Variants in NRXN1 observed in about 807,000 individuals in gnomAD.
NRXN1 encodes neurexin-1.
NRXN1 carries 39 observed loss-of-function variants against 150.9 expected under a neutral mutation model. The observed-to-expected ratio is 0.26, with a 90% CI of 0.20 to 0.34. The LOEUF (loss-of-function observed/expected upper bound fraction) is 0.34, where lower values mean the gene tolerates loss of function less well. NRXN1 is among the 10% of genes least tolerant of loss of function. The probability of loss-of-function intolerance (pLI) is 1.00; values close to 1 mark genes in which losing one functional copy is unlikely to be tolerated. For synonymous variants in NRXN1, 924 were observed against 757.0 expected (o/e 1.22, Z -3.62); for missense variants, 1,815 against 1,949.9 (o/e 0.93, Z 1.30).
At chr2:50,493,150 A>G (rs2091356484) in intron 15 of NRXN1, among the ~76,000 whole-genome samples, 1 of 152,214 alleles carries the variant, frequency 6.6e-6, no homozygotes. Context: ...CTATTGACCA[A>G]AACAGGTCAA....
chr2:50,907,689 G>C (rs979925263), intron 5 of NRXN1, among the ~76,000 whole-genome samples: 3 of 151,954 alleles, frequency 2.0e-5, no homozygotes, highest in Non-Finnish European at 4.4e-5. Context: ...TACTGGCTTT[G>C]AAGATGAAAG....
intron 5 of NRXN1, among the ~76,000 whole-genome samples, chr2:50,717,957 T>A (rs1283839225): frequency 1.3e-5 from 2 of 152,168 alleles, no homozygotes; most frequent in Admixed American, 1.3e-4. Flanking sequence ...GGTTAGGATT[T>A]CCACAAATGA....
Position 49,925,783 on chromosome 2 carries a change from G to A in NRXN1, c.4217-3532C>T, listed in dbSNP as rs189266955. 1.1e-3 allele frequency among the ~76,000 whole-genome samples: 161 copies of A among 152,076 alleles called. 4 individuals carry two copies. In the East Asian group the frequency reaches 0.028, roughly 26 times the overall value. On this transcript the variant is annotated intron_variant, in intron 22 of 22. Coordinates refer to ENST00000401669, the MANE Select transcript of NRXN1 (RefSeq NM_001330078.2). ...TCCTTTTCTTTCTTTGTCCCAGCAC[G>A]TGACAAAGAAACAAGTGAAAGAGAA...
At chr2:50,940,455 CAG>C (rs1183790726) in intron 2 of NRXN1, among the ~76,000 whole-genome samples, 1 of 136,220 alleles carries the variant, frequency 7.3e-6, no homozygotes, top group Admixed American at 7.9e-5. Context: ...AACCTGGTGA[CAG>C]AGCAAGACTC....
chr2:50,628,668 G>A (rs1197610134), intron 5 of NRXN1, among the ~76,000 whole-genome samples: 1 of 151,496 alleles, frequency 6.6e-6, no homozygotes, highest in African/African-American at 2.4e-5. Context: ...ATAAGTCTAC[G>A]TCCATTTTTA....
At position 50,346,034 on chromosome 2, in the gene NRXN1, A is replaced by G. The variant is rs555304707; in HGVS notation, c.3365-109064T>C. 6.6e-6 allele frequency among the ~76,000 whole-genome samples: 1 copy of G among 152,354 alleles called. No individual in the cohort carries two copies. The highest frequency in any genetic ancestry group is 1.9e-4 in the East Asian group (1 of 5,160). ...AGTGGATGGAAGGGGAATGGTGTCC[A>G]GAGGTCCCCTCCATGCCTGCGAAGG... On this transcript the variant is annotated intron_variant, in intron 17 of 22. Coordinates refer to ENST00000401669, the MANE Select transcript of NRXN1 (RefSeq NM_001330078.2). The surrounding 1 kb of genome is among the most constrained non-coding windows in gnomAD (Gnocchi z 5.0).
intron 18 of NRXN1, among the ~76,000 whole-genome samples, chr2:50,199,569 T>G (rs73930305): frequency 2.1e-5 from 3 of 143,994 alleles, no homozygotes; most frequent in African/African-American, 5.3e-5. Flanking sequence ...CACACACACA[T>G]GCACACTGAC....
chr2:50,759,833 TG>T (rs1701590929), intron 5 of NRXN1, among the ~76,000 whole-genome samples: 1 of 68,262 alleles, frequency 1.5e-5, no homozygotes, highest in Non-Finnish European at 2.7e-5. Flanking sequence ...AAGCTGTGTG[TG>T]TGTGTGTGTG....
At chr2:50,593,302 C>CA (rs1235948974) in intron 8 of NRXN1, among the ~76,000 whole-genome samples, 6 of 152,324 alleles carry the variant, frequency 3.9e-5, no homozygotes, top group Admixed American at 1.3e-4. Context: ...AGTACTTCTG[C>CA]ATTGACAAAT....
At chr2:50,176,153 A>G (rs1198083552) in intron 18 of NRXN1, among the ~76,000 whole-genome samples, 1 of 152,094 alleles carries the variant, frequency 6.6e-6, no homozygotes, top group Non-Finnish European at 1.5e-5. Flanking sequence ...CTTCCACCAT[A>G]CAAGTTAAGA....
At chr2:49,977,750 G>C (rs1489275036) in intron 21 of NRXN1, among the ~76,000 whole-genome samples, 1 of 152,168 alleles carries the variant, frequency 6.6e-6, no homozygotes, top group Non-Finnish European at 1.5e-5. Context: ...GCTGTGATAG[G>C]TCAAGTTATC....
chr2:50,597,122 G>A (rs985450854), intron 8 of NRXN1, among the ~76,000 whole-genome samples: 1 of 152,090 alleles, frequency 6.6e-6, no homozygotes, highest in Non-Finnish European at 1.5e-5. Flanking sequence ...TAGGATTTCA[G>A]GAACGAGTCA....
intron 2 of NRXN1, among the ~76,000 whole-genome samples, chr2:51,024,869 T>A (rs2105307344): frequency 6.6e-6 from 1 of 152,292 alleles, no homozygotes; most frequent in Non-Finnish European, 1.5e-5. Context: ...ACTTATTTAT[T>A]TTAAAATTAG....
At chr2:50,755,556 C>T (rs1448718188) in intron 5 of NRXN1, among the ~76,000 whole-genome samples, 2 of 151,696 alleles carry the variant, frequency 1.3e-5, no homozygotes, top group African/African-American at 4.8e-5. Context: ...TTATTACCTG[C>T]TGTAATTAAG....
chr2:50,934,015 T>C (rs1037771886), intron 2 of NRXN1, among the ~76,000 whole-genome samples: 1 of 152,180 alleles, frequency 6.6e-6, no homozygotes, highest in Non-Finnish European at 1.5e-5. Flanking sequence ...GAAAATTTAA[T>C]TTTAAAAATA....
chr2:50,550,812 G>A (rs1404067288), intron 9 of NRXN1, among the ~76,000 whole-genome samples: 1 of 151,672 alleles, frequency 6.6e-6, no homozygotes, highest in African/African-American at 2.4e-5. Context: ...CTCCCGAGTG[G>A]CTGGGACTAC....
At chr2:50,496,837 T>C (rs150418124) in intron 14 of NRXN1, among the ~76,000 whole-genome samples, 1,669 of 152,282 alleles carry the variant, frequency 0.011, 31 homozygotes, top group African/African-American at 0.037. Context: ...TTAAAATACA[T>C]TAAATTTTCC....
chr2:50,183,299 T>G (rs2060855285), intron 18 of NRXN1, among the ~76,000 whole-genome samples: 1 of 152,070 alleles, frequency 6.6e-6, no homozygotes, highest in South Asian at 2.1e-4. Context: ...TTCAAAGGTT[T>G]ATTATACCAC....
chr2:50,147,949 T>C (rs1309640587), intron 18 of NRXN1, among the ~76,000 whole-genome samples: 1 of 151,646 alleles, frequency 6.6e-6, no homozygotes, highest in Non-Finnish European at 1.5e-5. Flanking sequence ...AGATGTGAAA[T>C]AGGTCCTGGG....
Sources: allele counts gnomAD v4.1 joint callset (sites outside exome capture counted in the v4.1 genomes callset), GRCh38; gene constraint gnomAD v4.1.1; non-coding constraint Gnocchi (gnomAD v3.1); transcripts MANE v1.5; gene names NCBI Gene and HGNC (gene_info 2026-07-23, HGNC 2026-07-21).